CRYBB2: variants seen among roughly 807,000 people sequenced by gnomAD.
CRYBB2 encodes the protein beta-crystallin B2.
A neutral mutation model predicts 24.3 loss-of-function variants in CRYBB2; 12 were observed. That is an observed-to-expected ratio of 0.49 (90% CI 0.32 to 0.80). The LOEUF is 0.80. Ranked by LOEUF, CRYBB2 falls within the 30% of genes least tolerant of loss-of-function variation. CRYBB2 has a pLI of 0.04. For synonymous variants in CRYBB2, 98 were observed against 101.6 expected (o/e 0.96, Z 0.21); for missense variants, 198 against 268.5 (o/e 0.74, Z 1.83).
intron 3 of CRYBB2, among the ~76,000 whole-genome samples, chr22:25,227,516 G>C (rs5760922): frequency 6.7e-6 from 1 of 149,794 alleles, no homozygotes; most frequent in Non-Finnish European, 1.5e-5. Flanking sequence ...GTTAATTTTC[G>C]TTTTGTTTTT....
Position 25,231,804 on chromosome 22 carries a change from C to G in CRYBB2, c.*32C>G. 1.2e-6 allele frequency: 2 copies of G among 1,609,244 alleles called. No homozygotes were observed. The highest frequency in any genetic ancestry group is 1.7e-6 in the Non-Finnish European group (2 of 1,175,654). ...CCCCACCATGCCTCCTTCCCAGGAC[C>G]CAGGTCTGCTGCCCAGGAACCCTCC... On this transcript the variant is annotated 3_prime_UTR_variant, in exon 6 of 6. Transcript: ENST00000398215.
chr22:25,213,258 G>C (rs543017319), intron 1 of CRYBB2: 17 of 152,260 alleles, frequency 1.1e-4, no homozygotes, highest in Non-Finnish European at 1.8e-4. Flanking sequence ...CCTCCTTCCA[G>C]CTCTGACTCT....
chr22:25,212,276 A>G (rs147255927), upstream of CRYBB2, among the ~76,000 whole-genome samples: 1 of 152,358 alleles, frequency 6.6e-6, no homozygotes, highest in African/African-American at 2.4e-5. Context: ...TTCTAAAGAC[A>G]TCTGTAGAAA....
Position 25,227,863 on chromosome 22 carries a change from T to C in CRYBB2, c.184T>C (p.Tyr62His), listed in dbSNP as rs539211785. 5 of 1,614,156 alleles carry C rather than the reference T, an allele frequency of 3.1e-6. No individual in the cohort carries two copies. In the African/African-American group the frequency reaches 4.0e-5, roughly 13 times the overall value. ...CTGTCTCCATGGCAGCTGGGTGGGC[T>C]ATGAACAGGCCAACTGCAAGGGCGA... is the stretch of plus-strand genomic sequence containing the variant. The part of the protein sequence containing the change: ...VLVQAGPWVG[Y>H]EQANCKGEQF... The change falls in exon 4 of 6, where the codon TAT becomes CAT. Residue 62 changes from tyrosine to histidine, a missense_variant. Physicochemically the swap from Tyr to His is moderately conservative, Grantham distance 83. Transcript: ENST00000398215.
At chr22:25,212,006 A>T (rs6004487), upstream of CRYBB2, among the ~76,000 whole-genome samples, 20,071 of 152,242 alleles carry the variant, frequency 0.13, 1,403 homozygotes, top group South Asian at 0.27. Context: ...TGTAACATGG[A>T]GATAATAATG....
At chr22:25,212,028 A>T (rs954899168), upstream of CRYBB2, among the ~76,000 whole-genome samples, 1 of 152,240 alleles carries the variant, frequency 6.6e-6, no homozygotes, top group African/African-American at 2.4e-5. Context: ...TACCTATCTC[A>T]TAAGGTTGTT....
upstream of CRYBB2, among the ~76,000 whole-genome samples, chr22:25,217,872 G>A (rs112074371): frequency 0.015 from 2,286 of 152,234 alleles, 23 homozygotes; most frequent in Middle Eastern, 0.061. Flanking sequence ...GAAAATGAGA[G>A]ACAGGGGAAA....
chr22:25,218,707 GGAGA>G (rs765434004), upstream of CRYBB2, among the ~76,000 whole-genome samples: 2,340 of 24,436 alleles, frequency 0.096, 139 homozygotes, highest in African/African-American at 0.16. Flanking sequence ...AGAGAGAGGG[GGAGA>G]GAGAGAGAGA....
intron 4 of CRYBB2, among the ~76,000 whole-genome samples, chr22:25,228,271 G>T (rs1199154643): frequency 6.8e-6 from 1 of 147,008 alleles, no homozygotes; most frequent in East Asian, 2.0e-4. Context: ...ACTCCAGAAG[G>T]CTCCAATCAC....
chr22:25,225,070 C>A (rs1439059395), intron 3 of CRYBB2, 34 bp downstream of exon 3: 1 of 1,152,540 alleles, frequency 8.7e-7, no homozygotes, highest in African/African-American at 1.5e-5. Flanking sequence ...TGGTCAGGGA[C>A]TTTGGGTGAG....
intron 3 of CRYBB2, among the ~76,000 whole-genome samples, chr22:25,225,257 C>A (rs548607131): frequency 6.6e-6 from 1 of 152,204 alleles, no homozygotes; most frequent in Non-Finnish European, 1.5e-5. Context: ...GGACCTTCCC[C>A]CTCTGAGCCT....
At chr22:25,226,389 T>G (rs1935416671) in intron 3 of CRYBB2, among the ~76,000 whole-genome samples, 1 of 152,136 alleles carries the variant, frequency 6.6e-6, no homozygotes, top group Non-Finnish European at 1.5e-5. Flanking sequence ...AAATGGAGGT[T>G]CTTGGGCCCC....
chr22:25,224,672 G>C (rs1217037238), intron 2 of CRYBB2, among the ~76,000 whole-genome samples: 1 of 152,164 alleles, frequency 6.6e-6, no homozygotes, highest in Non-Finnish European at 1.5e-5. Context: ...ACCTGGCCTA[G>C]GTTCTGTCTT....
At chr22:25,228,914 G>A (rs572583650) in intron 4 of CRYBB2, among the ~76,000 whole-genome samples, 4 of 152,352 alleles carry the variant, frequency 2.6e-5, no homozygotes, top group Non-Finnish European at 5.9e-5. Flanking sequence ...CTGTGCGTGT[G>A]TGTGTACATG....
intron 3 of CRYBB2, among the ~76,000 whole-genome samples, chr22:25,227,530 G>C (rs1231770790): frequency 6.6e-6 from 1 of 150,518 alleles, no homozygotes; most frequent in Non-Finnish European, 1.5e-5. Flanking sequence ...TGTTTTTTGA[G>C]AGTTGGCTAT....
At chr22:25,229,096 CAT>C (rs1491582632) in intron 4 of CRYBB2, among the ~76,000 whole-genome samples, 6 of 141,782 alleles carry the variant, frequency 4.2e-5, no homozygotes, top group Non-Finnish European at 7.7e-5. Flanking sequence ...TGTGGGTGTG[CAT>C]GTGTGTGTGT....
chr22:25,229,394 C>A, intron 4 of CRYBB2, 42 bp from the exon 5 acceptor site: 1 of 1,560,416 alleles, frequency 6.4e-7, no homozygotes, highest in Non-Finnish European at 8.7e-7. Context: ...CAACCCTGGG[C>A]CCCCTCACCC....
upstream of CRYBB2, among the ~76,000 whole-genome samples, chr22:25,218,790 G>GA (rs1239163199): frequency 7.1e-5 from 6 of 84,888 alleles, no homozygotes; most frequent in Admixed American, 1.2e-4. Flanking sequence ...AAGAAAGAAA[G>GA]AAAGAAAGAA....
intron 2 of CRYBB2, among the ~76,000 whole-genome samples, chr22:25,222,172 G>C (rs749668684): frequency 3.3e-5 from 5 of 152,208 alleles, no homozygotes; most frequent in Non-Finnish European, 4.4e-5. Context: ...CCGGGCACAG[G>C]TTCCTTCAGG....
Sources: allele counts gnomAD v4.1 joint callset (sites outside exome capture counted in the v4.1 genomes callset), GRCh38; gene constraint gnomAD v4.1.1; transcripts MANE v1.5; gene names NCBI Gene and HGNC (gene_info 2026-07-23, HGNC 2026-07-21).